Variants in GPR158 observed in about 807,000 individuals in gnomAD.
The protein encoded by GPR158 is G protein-coupled receptor 158.
A neutral mutation model predicts 78.2 loss-of-function variants in GPR158; 30 were observed. The ratio of observed to expected loss-of-function variants is 0.38; its 90% confidence interval spans 0.29 to 0.52. The LOEUF is 0.52. Among genes scored for constraint, GPR158 ranks in the 20% least tolerant of loss-of-function variants. GPR158 has a pLI of 0.83. For synonymous variants in GPR158, 581 were observed against 591.1 expected (o/e 0.98, Z 0.25); for missense variants, 1,463 against 1,523.5 (o/e 0.96, Z 0.66).
rs1223962548 is a variant in GPR158, at chr10:25,599,545, T to C, written c.*271T>C. ...CATGTTTAAGGAAAATAGCCCACAA[T>C]GTCTGCCCTGATCAATATGTATCCA... On this transcript the variant is annotated 3_prime_UTR_variant, in exon 11 of 11. Transcript: ENST00000376351. 1 of 411,410 alleles carries C rather than the reference T, an allele frequency of 2.4e-6. No individual in the cohort carries two copies. Among genetic ancestry groups the C allele is most frequent in the Non-Finnish European group, 4.4e-6 (1 of 226,926 alleles). 25.5% of individuals were successfully genotyped at this position (411,410 alleles called of 1,614,324 possible).
chr10:25,431,724 T>C (rs574941160), intron 4 of GPR158, among the ~76,000 whole-genome samples: 134 of 151,916 alleles, frequency 8.8e-4, no homozygotes, highest in Admixed American at 2.4e-3. Flanking sequence ...ATGGATGAAA[T>C]TGGCAATCAT....
At chr10:25,479,316 A>G (rs192884286) in intron 5 of GPR158, among the ~76,000 whole-genome samples, 2 of 152,164 alleles carry the variant, frequency 1.3e-5, no homozygotes, top group Admixed American at 6.5e-5. Flanking sequence ...CAGCTAAGAA[A>G]TTGAACTCAA....
chr10:25,187,494 A>G (rs1436581412), intron 1 of GPR158, among the ~76,000 whole-genome samples: 2 of 151,754 alleles, frequency 1.3e-5, no homozygotes, highest in Non-Finnish European at 2.9e-5. Context: ...AAATCAATAA[A>G]CGTAATCCAG....
chr10:25,355,102 A>G (rs1855530411), intron 2 of GPR158, among the ~76,000 whole-genome samples: 1 of 151,984 alleles, frequency 6.6e-6, no homozygotes, highest in Non-Finnish European at 1.5e-5. Context: ...CCCTTTCCCA[A>G]GTTTTGGAAA....
At chr10:25,303,039 A>G (rs893067049) in intron 2 of GPR158, among the ~76,000 whole-genome samples, 3 of 152,180 alleles carry the variant, frequency 2.0e-5, no homozygotes, top group African/African-American at 7.2e-5. Context: ...ATGGTGCCCC[A>G]TGTCAAGATG....
At chr10:25,433,978 T>A (rs893315277) in intron 4 of GPR158, among the ~76,000 whole-genome samples, 1 of 151,762 alleles carries the variant, frequency 6.6e-6, no homozygotes, top group African/African-American at 2.4e-5. Flanking sequence ...GCTAACATGG[T>A]GAAACCCCAT....
At chr10:25,241,412 T>TTCTCTTC (rs1491243664) in intron 2 of GPR158, among the ~76,000 whole-genome samples, 1 of 138,396 alleles carries the variant, frequency 7.2e-6, no homozygotes, top group Non-Finnish European at 1.5e-5. Context: ...TTCTCTTCTC[T>TTCTCTTC]TTTCTTTTCT....
intron 2 of GPR158, among the ~76,000 whole-genome samples, chr10:25,328,259 G>T (rs1181068856): frequency 6.6e-6 from 1 of 152,138 alleles, no homozygotes; most frequent in Non-Finnish European, 1.5e-5. Context: ...CCCATCTGTG[G>T]CAACAATAGA....
At chr10:25,568,115 G>A (rs1264700769) in intron 6 of GPR158, among the ~76,000 whole-genome samples, 5 of 139,946 alleles carry the variant, frequency 3.6e-5, no homozygotes, top group African/African-American at 1.2e-4. Context: ...AGCAAAGTGG[G>A]TTGGAGAAGG....
intron 2 of GPR158, among the ~76,000 whole-genome samples, chr10:25,255,989 C>T (rs1348723019): frequency 6.6e-6 from 1 of 152,024 alleles, no homozygotes; most frequent in Non-Finnish European, 1.5e-5. Context: ...CTGCATATGC[C>T]ATATCTTTTC....
At chr10:25,423,386 T>C (rs1834780060) in intron 4 of GPR158, among the ~76,000 whole-genome samples, 1 of 86,804 alleles carries the variant, frequency 1.2e-5, no homozygotes. Context: ...AATCTACTTT[T>C]AGTTCTTTTT....
chr10:25,594,660 T>C (rs1171595018), intron 9 of GPR158, among the ~76,000 whole-genome samples: 1 of 152,176 alleles, frequency 6.6e-6, no homozygotes, highest in Non-Finnish European at 1.5e-5. Context: ...TTTTAATTAT[T>C]ATGGGTTCAT....
intron 1 of GPR158, among the ~76,000 whole-genome samples, chr10:25,209,359 C>A (rs1171965470): frequency 4.6e-5 from 7 of 152,214 alleles, no homozygotes; most frequent in African/African-American, 1.7e-4. Flanking sequence ...TGGCACAATG[C>A]CACATTAGAG....
intron 4 of GPR158, among the ~76,000 whole-genome samples, chr10:25,448,019 T>C (rs144009159): frequency 3.0e-4 from 45 of 152,144 alleles, no homozygotes; most frequent in African/African-American, 1.1e-3. Flanking sequence ...AGATTAGCTC[T>C]GCTTGTCCTA....
At chr10:25,331,658 G>A (rs767911373) in intron 2 of GPR158, among the ~76,000 whole-genome samples, 8 of 152,158 alleles carry the variant, frequency 5.3e-5, no homozygotes, top group African/African-American at 1.4e-4. Context: ...TCTGGTCACC[G>A]CTGCCTATGG....
intron 2 of GPR158, among the ~76,000 whole-genome samples, chr10:25,327,041 G>A (rs915679634): frequency 6.6e-6 from 1 of 152,074 alleles, no homozygotes; most frequent in African/African-American, 2.4e-5. Flanking sequence ...TTTACAGTGG[G>A]TTGATCAGCA....
At chr10:25,236,064 A>G (rs1249058325) in intron 2 of GPR158, among the ~76,000 whole-genome samples, 1 of 152,088 alleles carries the variant, frequency 6.6e-6, no homozygotes, top group East Asian at 1.9e-4. Flanking sequence ...GTTATTATTT[A>G]TAATTGTTTG....
intron 2 of GPR158, among the ~76,000 whole-genome samples, chr10:25,291,076 C>T (rs966082304): frequency 5.3e-5 from 8 of 151,800 alleles, no homozygotes; most frequent in Non-Finnish European, 5.9e-5. Context: ...AGTCATAATA[C>T]GCATTTCTAT....
intron 5 of GPR158, among the ~76,000 whole-genome samples, chr10:25,529,503 A>G (rs1239431048): frequency 6.6e-6 from 1 of 152,218 alleles, no homozygotes; most frequent in Non-Finnish European, 1.5e-5. Flanking sequence ...CTCTCATTGC[A>G]GGGATCGGGG....
Sources: allele counts gnomAD v4.1 joint callset (sites outside exome capture counted in the v4.1 genomes callset), GRCh38; gene constraint gnomAD v4.1.1; transcripts MANE v1.5; gene names NCBI Gene and HGNC (gene_info 2026-07-23, HGNC 2026-07-21).